The following DPP6 variants were observed in gnomAD, a reference collection of about 807,000 sequenced individuals.
The protein encoded by DPP6 is dipeptidyl peptidase like 6.
In DPP6, 69 loss-of-function variants were observed where a neutral mutation model predicts 122.6. That is an observed-to-expected ratio of 0.56 (90% CI 0.46 to 0.69). The LOEUF (loss-of-function observed/expected upper bound fraction) is 0.69, where lower values mean the gene tolerates loss of function less well. Among genes scored for constraint, DPP6 ranks in the 30% least tolerant of loss-of-function variants. The probability of loss-of-function intolerance (pLI) is 0.00; values close to 1 mark genes in which losing one functional copy is unlikely to be tolerated. For missense variants in DPP6, 928 were observed against 1,116.9 expected (o/e 0.83, Z 2.41); for synonymous variants, 418 against 433.1 (o/e 0.97, Z 0.43).
chr7:154,681,588 C>T (rs1054048243), intron 7 of DPP6, among the ~76,000 whole-genome samples: 4 of 152,030 alleles, frequency 2.6e-5, no homozygotes, highest in African/African-American at 9.7e-5. Context: ...CCGGTCGCCT[C>T]GGGTAGGGCG....
chr7:154,568,965 T>A (rs966043405), intron 5 of DPP6, among the ~76,000 whole-genome samples: 2 of 152,208 alleles, frequency 1.3e-5, no homozygotes, highest in African/African-American at 4.8e-5. Context: ...TATTCTCTGT[T>A]CTTCTGGAGG....
At chr7:154,735,580 C>T (rs1238290067) in intron 8 of DPP6, among the ~76,000 whole-genome samples, 1 of 152,158 alleles carries the variant, frequency 6.6e-6, no homozygotes, top group African/African-American at 2.4e-5. Flanking sequence ...CTTGTCTAGT[C>T]CTAGTCTCCA....
chr7:154,277,026 C>A (rs1188344635), intron 1 of DPP6, among the ~76,000 whole-genome samples: 1 of 152,056 alleles, frequency 6.6e-6, no homozygotes, highest in Non-Finnish European at 1.5e-5. Flanking sequence ...AGCAAAATCA[C>A]CAACAAAAAA....
chr7:154,868,051 A>T lies in DPP6; in HGVS notation c.1771A>T (p.Met591Leu). The change falls in exon 18 of 26, where the codon ATG becomes TTG. Residue 591 changes from methionine (M) to leucine (L), a missense_variant. Coordinates refer to ENST00000377770, the MANE Select transcript of DPP6 (RefSeq NM_130797.4). ...HVKKAINDRQ[M>L]PKVEYRDIEI... is the part of the protein sequence containing the mutation. ...CAAGAAGGCCATAAATGACCGACAGATGCCTAAAGTGGAATACAGGGACAT... is the reference window on the plus strand; with the variant it reads ...CAAGAAGGCCATAAATGACCGACAGTTGCCTAAAGTGGAATACAGGGACAT... 6.2e-7 allele frequency: 1 copy of T among 1,609,958 alleles called. No individual in the cohort carries two copies. Among genetic ancestry groups the T allele is most frequent in the Non-Finnish European group, 8.5e-7 (1 of 1,178,282 alleles).
intron 1 of DPP6, among the ~76,000 whole-genome samples, chr7:154,431,442 C>CTTTCTTTTCT (rs372693484): frequency 1.8e-4 from 22 of 121,820 alleles, no homozygotes; most frequent in South Asian, 8.5e-4. Context: ...TTTTTCTTTC[C>CTTTCTTTTCT]TTTCTTTTCT....
chr7:154,717,135 G>A (rs1267722448), intron 7 of DPP6, among the ~76,000 whole-genome samples: 1 of 141,356 alleles, frequency 7.1e-6, no homozygotes, highest in Non-Finnish European at 1.6e-5. Flanking sequence ...CCAGATAAGT[G>A]TGATGTTTCA....
At chr7:154,776,318 C>T (rs1356607212) in intron 10 of DPP6, among the ~76,000 whole-genome samples, 7 of 152,026 alleles carry the variant, frequency 4.6e-5, no homozygotes, top group Admixed American at 6.6e-5. Context: ...CCCCTCACAT[C>T]GGCTGGGTCA....
chr7:154,592,668 G>A (rs745828134), intron 5 of DPP6, among the ~76,000 whole-genome samples: 2 of 152,200 alleles, frequency 1.3e-5, no homozygotes, highest in Non-Finnish European at 1.5e-5. Context: ...CCCAGCAGAC[G>A]CAGGACAAGG....
intron 3 of DPP6, among the ~76,000 whole-genome samples, chr7:154,476,899 C>A (rs56267024): frequency 0.37 from 56,378 of 151,844 alleles, 11,118 homozygotes; most frequent in African/African-American, 0.48. Context: ...TGAGGCCAGC[C>A]TGGGAAACAT....
chr7:153,793,853 G>A, the DPP6 span, among the ~76,000 whole-genome samples: 2 of 152,192 alleles, frequency 1.3e-5, no homozygotes, highest in Non-Finnish European at 2.9e-5. Context: ...ATGGCTGAAA[G>A]GGGCCAATGT....
intron 8 of DPP6, 137 bp from the exon 9 acceptor site, chr7:154,769,280 G>T (rs938095347): frequency 1.2e-5 from 13 of 1,074,840 alleles, no homozygotes; most frequent in Admixed American, 2.4e-5. Flanking sequence ...CACAGTGAAG[G>T]TTCCTCAAAG....
intron 2 of DPP6, among the ~76,000 whole-genome samples, chr7:154,458,812 C>T (rs1347294227): frequency 1.3e-5 from 2 of 152,238 alleles, no homozygotes; most frequent in Admixed American, 1.3e-4. Flanking sequence ...GTGCCACGCA[C>T]TGCCCTGTCT....
intron 1 of DPP6, among the ~76,000 whole-genome samples, chr7:154,229,070 C>G (rs1466819125): frequency 6.6e-6 from 1 of 152,064 alleles, no homozygotes; most frequent in Non-Finnish European, 1.5e-5. Flanking sequence ...GTGAAGGTTT[C>G]TTGGGCGTTT....
intron 3 of DPP6, among the ~76,000 whole-genome samples, chr7:154,526,485 C>A (rs1405858666): frequency 6.9e-6 from 1 of 143,998 alleles, no homozygotes; most frequent in African/African-American, 2.5e-5. Flanking sequence ...ACACAGTACC[C>A]ACCAGCTATA....
chr7:153,780,734 G>T, the DPP6 span, among the ~76,000 whole-genome samples: 15 of 152,138 alleles, frequency 9.9e-5, no homozygotes, highest in African/African-American at 3.6e-4. Flanking sequence ...GAAGAATGGA[G>T]AGAGGATCTG....
intron 17 of DPP6, among the ~76,000 whole-genome samples, chr7:154,857,637 G>A (rs1032390201): frequency 3.9e-5 from 6 of 152,228 alleles, no homozygotes; most frequent in Admixed American, 2.0e-4. Flanking sequence ...TCAAACTGGT[G>A]CATCTTGGAT....
At chr7:154,856,495 A>G (rs549464153) in intron 17 of DPP6, among the ~76,000 whole-genome samples, 3 of 152,340 alleles carry the variant, frequency 2.0e-5, no homozygotes, top group African/African-American at 7.2e-5. Context: ...AAGGTAATCT[A>G]TAGGTGGGCT....
rs149969865 is a variant in DPP6 at position 154,830,603 on chromosome 7, A to C, written c.1667-23177A>C. ...GGAAGTTTGCCACACAGAAAGCTCCAACTGGTTCTAAGCAAAGGGTAGCAC... is the reference window on the plus strand; with the variant it reads ...GGAAGTTTGCCACACAGAAAGCTCCCACTGGTTCTAAGCAAAGGGTAGCAC... On this transcript the variant is annotated intron_variant, in intron 16 of 25. Transcript: ENST00000377770. 3.8e-3 allele frequency among the ~76,000 whole-genome samples: 576 copies of C among 152,356 alleles called. 7 individuals are homozygous for C. The highest frequency in any genetic ancestry group is 0.013 in the African/African-American group (553 of 41,592).
chr7:154,742,222 A>G (rs1026264229), intron 8 of DPP6, among the ~76,000 whole-genome samples: 2 of 152,180 alleles, frequency 1.3e-5, no homozygotes, highest in African/African-American at 4.8e-5. Context: ...CCTTCCTTCC[A>G]TTATTCGAGT....
Sources: allele counts gnomAD v4.1 joint callset (sites outside exome capture counted in the v4.1 genomes callset), GRCh38; gene constraint gnomAD v4.1.1; transcripts MANE v1.5; gene names NCBI Gene and HGNC (gene_info 2026-07-23, HGNC 2026-07-21).